The following SORCS3 variants were observed in gnomAD, a reference collection of about 807,000 sequenced individuals.
SORCS3 encodes sortilin related VPS10 domain containing receptor 3.
SORCS3 carries 57 observed loss-of-function variants against 146.3 expected under a neutral mutation model. That is an observed-to-expected ratio of 0.39 (90% CI 0.31 to 0.49). The LOEUF is 0.49. Among genes scored for constraint, SORCS3 ranks in the 20% least tolerant of loss-of-function variants. The pLI, the probability that SORCS3 is intolerant of heterozygous loss-of-function variation, is 0.92. For synonymous variants in SORCS3, 653 were observed against 618.5 expected (o/e 1.06, Z -0.83); for missense variants, 1,341 against 1,575.5 (o/e 0.85, Z 2.52).
At chr10:104,822,779 A>T (rs750589009) in intron 1 of SORCS3, among the ~76,000 whole-genome samples, 9 of 152,148 alleles carry the variant, frequency 5.9e-5, no homozygotes, top group Non-Finnish European at 1.2e-4. Context: ...ATGAATGGTC[A>T]TTCTGCTGTG....
chr10:105,137,496 T>TAA (rs5787565), intron 7 of SORCS3, among the ~76,000 whole-genome samples: 19 of 149,604 alleles, frequency 1.3e-4, no homozygotes, highest in East Asian at 3.9e-4. Flanking sequence ...CACCTCAAAT[T>TAA]AAAAAAAAAA....
chr10:105,234,984 T>G (rs1306463533), intron 20 of SORCS3, among the ~76,000 whole-genome samples: 1 of 152,046 alleles, frequency 6.6e-6, no homozygotes, highest in Non-Finnish European at 1.5e-5. Flanking sequence ...TCTTTAGTAA[T>G]GTGATGGTAA....
At chr10:104,812,185 C>G (rs2017748863) in intron 1 of SORCS3, among the ~76,000 whole-genome samples, 1 of 152,184 alleles carries the variant, frequency 6.6e-6, no homozygotes, top group African/African-American at 2.4e-5. Flanking sequence ...AGTAAGGACA[C>G]AGTGCATCTT....
At chr10:104,751,924 CATATATATATATAT>C (rs71482435) in intron 1 of SORCS3, among the ~76,000 whole-genome samples, 1,091 of 38,452 alleles carry the variant, frequency 0.028, 30 homozygotes, top group East Asian at 0.092. Context: ...TAATAGGAAG[CATATATATATATAT>C]ATATATATAT....
At chr10:105,242,524 ATATATATTTATATATATT>A (rs1452641521) in intron 20 of SORCS3, among the ~76,000 whole-genome samples, 9 of 105,946 alleles carry the variant, frequency 8.5e-5, no homozygotes, top group African/African-American at 3.6e-4. Context: ...ATATACATTT[ATATATATTTATATATATT>A]TATATATTTA....
chr10:104,806,986 C>A (rs2017685290), intron 1 of SORCS3, among the ~76,000 whole-genome samples: 1 of 151,956 alleles, frequency 6.6e-6, no homozygotes, highest in Non-Finnish European at 1.5e-5. Flanking sequence ...ACTTTCTGGA[C>A]CTTGGGGAAT....
intron 14 of SORCS3, among the ~76,000 whole-genome samples, chr10:105,183,481 T>C (rs1436542208): frequency 6.6e-6 from 1 of 152,194 alleles, no homozygotes; most frequent in Non-Finnish European, 1.5e-5. Context: ...AGCACTGAGC[T>C]TAAATGCATT....
intron 4 of SORCS3, among the ~76,000 whole-genome samples, chr10:104,983,655 T>C (rs955130629): frequency 1.3e-5 from 2 of 152,088 alleles, no homozygotes; most frequent in Non-Finnish European, 2.9e-5. Context: ...GTGCTGTTTT[T>C]TTCTGTTAAT....
intron 7 of SORCS3, among the ~76,000 whole-genome samples, chr10:105,105,957 C>G (rs2055817601): frequency 1.3e-5 from 2 of 152,162 alleles, no homozygotes; most frequent in Non-Finnish European, 1.5e-5. Flanking sequence ...CCAGTGCTGA[C>G]TACCTTCTCA....
intron 4 of SORCS3, among the ~76,000 whole-genome samples, chr10:105,005,679 A>G (rs948967239): frequency 6.6e-6 from 1 of 152,144 alleles, no homozygotes; most frequent in Non-Finnish European, 1.5e-5. Flanking sequence ...AATAAAGAAG[A>G]GCCCTTGAGC....
chr10:104,943,714 T>A (rs924846786), intron 3 of SORCS3, among the ~76,000 whole-genome samples: 1 of 152,172 alleles, frequency 6.6e-6, no homozygotes, highest in East Asian at 1.9e-4. Context: ...TTTAACAAGC[T>A]GATTCTAAAA....
At chr10:105,180,809 A>T (rs188091741) in intron 14 of SORCS3, among the ~76,000 whole-genome samples, 54 of 152,216 alleles carry the variant, frequency 3.5e-4, no homozygotes, top group African/African-American at 1.2e-3. Flanking sequence ...TACTTAAACA[A>T]CTAAATTTCT....
At chr10:104,934,532 T>G (rs2133613338) in intron 3 of SORCS3, among the ~76,000 whole-genome samples, 1 of 152,350 alleles carries the variant, frequency 6.6e-6, no homozygotes, top group Middle Eastern at 3.4e-3. Context: ...GTGTATTTAC[T>G]GAACCTTTTG....
chr10:104,715,875 C>T (rs1411837413), intron 1 of SORCS3, among the ~76,000 whole-genome samples: 2 of 152,174 alleles, frequency 1.3e-5, no homozygotes, highest in African/African-American at 4.8e-5. Flanking sequence ...GATTCTCTTA[C>T]ACACAGGTCA....
intron 4 of SORCS3, among the ~76,000 whole-genome samples, chr10:105,020,233 C>T (rs74155092): frequency 0.015 from 2,233 of 152,250 alleles, 51 homozygotes; most frequent in African/African-American, 0.051. Flanking sequence ...ACTGGACATC[C>T]AAGACATGGG....
intron 3 of SORCS3, among the ~76,000 whole-genome samples, chr10:104,923,708 A>G (rs566709840): frequency 6.6e-6 from 1 of 152,206 alleles, no homozygotes; most frequent in East Asian, 1.9e-4. Context: ...TCCCTCCTTC[A>G]TGGCCATTGA....
chr10:105,149,858 G>A lies in SORCS3; in HGVS notation c.1482+2062G>A, dbSNP rs1001359336. 3.9e-5 allele frequency among the ~76,000 whole-genome samples: 6 copies of A among 152,146 alleles called. No homozygotes were observed. In the East Asian group the frequency reaches 9.6e-4, roughly 24 times the overall value. ...TATGGAATGAGGCATGAATCAAAAT[G>A]AAGAATGTGCCCAGATCCATGCAAT... On this transcript the variant is annotated intron_variant, in intron 9 of 26. Transcript: ENST00000369701.
chr10:105,233,497 G>A (rs1391540289), intron 20 of SORCS3, among the ~76,000 whole-genome samples: 1 of 151,988 alleles, frequency 6.6e-6, no homozygotes, highest in Non-Finnish European at 1.5e-5. Context: ...ATGGTGGTTT[G>A]CTGCACCCAT....
chr10:105,142,130 C>T (rs1249579222), intron 8 of SORCS3, among the ~76,000 whole-genome samples: 1 of 152,100 alleles, frequency 6.6e-6, no homozygotes, highest in East Asian at 1.9e-4. Flanking sequence ...GCCTGATATA[C>T]CCTCTTTTGT....
Sources: gnomAD v4.1 joint callset for allele counts (sites outside exome capture counted in the v4.1 genomes callset) on GRCh38, gnomAD v4.1.1 for gene constraint, MANE v1.5 for transcripts, NCBI Gene and HGNC (gene_info 2026-07-23, HGNC 2026-07-21) for gene names.